CCDC102B: variants seen among roughly 807,000 people sequenced by gnomAD.
CCDC102B encodes the protein coiled-coil domain-containing protein 102B.
Under a neutral mutation model 57.4 loss-of-function variants are expected in CCDC102B, and 75 were observed. The observed-to-expected ratio is 1.31, with a 90% CI of 1.08 to 1.58. The LOEUF (loss-of-function observed/expected upper bound fraction) is 1.58, where lower values mean the gene tolerates loss of function less well. Ranked by LOEUF, CCDC102B falls within the 40% of genes most tolerant of loss-of-function variation. The pLI, the probability that CCDC102B is intolerant of heterozygous loss-of-function variation, is 0.00. For missense variants in CCDC102B, 636 were observed against 582.6 expected, an observed-to-expected ratio of 1.09 and a Z score of -0.94; for synonymous variants, 206 against 201.9, an observed-to-expected ratio of 1.02 and a Z score of -0.17.
chr18:68,810,693 T>TTTTTTG (rs2036224163), intron 1 of CCDC102B, among the ~76,000 whole-genome samples: 1 of 139,294 alleles, frequency 7.2e-6, no homozygotes, highest in Admixed American at 7.1e-5. Context: ...TTTTTTTTTT[T>TTTTTTG]TTTTTTTTTT....
At chr18:68,876,174 A>G (rs1330212423) in intron 5 of CCDC102B, among the ~76,000 whole-genome samples, 1 of 152,210 alleles carries the variant, frequency 6.6e-6, no homozygotes, top group Non-Finnish European at 1.5e-5. Flanking sequence ...GCAAAAAAGG[A>G]AGAAAGCACA....
intron 6 of CCDC102B, among the ~76,000 whole-genome samples, chr18:69,010,359 T>C (rs2116268): frequency 1.3e-5 from 2 of 152,072 alleles, no homozygotes; most frequent in African/African-American, 4.8e-5. Flanking sequence ...ATTTATATAG[T>C]GTATGGTGTT....
intron 5 of CCDC102B, among the ~76,000 whole-genome samples, chr18:68,880,660 TTGAG>T (rs1568308296): frequency 1.3e-5 from 2 of 152,120 alleles, no homozygotes; most frequent in African/African-American, 4.8e-5. Flanking sequence ...TTTTGTTGAA[TTGAG>T]TTACTTCTTT....
At chr18:68,973,614 T>G (rs553951696) in intron 6 of CCDC102B, among the ~76,000 whole-genome samples, 1 of 152,114 alleles carries the variant, frequency 6.6e-6, no homozygotes, top group African/African-American at 2.4e-5. Context: ...TAACAAGAGG[T>G]TGAATGCTAG....
intron 6 of CCDC102B, among the ~76,000 whole-genome samples, chr18:68,981,631 T>C (rs2050584903): frequency 6.6e-6 from 1 of 152,026 alleles, no homozygotes; most frequent in Admixed American, 6.6e-5. Context: ...CACAAAGCCC[T>C]TGGCCTCATG....
intron 4 of CCDC102B, among the ~76,000 whole-genome samples, chr18:68,856,472 A>C (rs903430249): frequency 6.6e-6 from 1 of 151,976 alleles, no homozygotes; most frequent in Non-Finnish European, 1.5e-5. Context: ...TAATTTTTAA[A>C]ATTTTTGGAA....
intron 4 of CCDC102B, among the ~76,000 whole-genome samples, chr18:68,861,069 A>T (rs2038728846): frequency 6.6e-6 from 1 of 150,758 alleles, no homozygotes; most frequent in South Asian, 2.1e-4. Flanking sequence ...GCATGTTAAC[A>T]GTTGTGGTAC....
intron 6 of CCDC102B, among the ~76,000 whole-genome samples, chr18:68,927,379 C>G (rs1189024059): frequency 6.6e-6 from 1 of 151,982 alleles, no homozygotes; most frequent in Non-Finnish European, 1.5e-5. Context: ...CAAGGGCAAT[C>G]TGGTAGATAG....
At chr18:68,886,648 C>T (rs1480472192) in intron 5 of CCDC102B, among the ~76,000 whole-genome samples, 1 of 151,996 alleles carries the variant, frequency 6.6e-6, no homozygotes, top group Non-Finnish European at 1.5e-5. Context: ...AATTTTTGTT[C>T]TAGAAAAGAT....
chr18:69,043,577 A>T (rs2052485965), intron 7 of CCDC102B, among the ~76,000 whole-genome samples: 1 of 152,104 alleles, frequency 6.6e-6, no homozygotes, highest in South Asian at 2.1e-4. Flanking sequence ...GATGACTCTT[A>T]AGGAGCATGC....
At chr18:68,735,296 C>T (rs770928247) in intron 2 of CCDC102B, among the ~76,000 whole-genome samples, 1 of 152,012 alleles carries the variant, frequency 6.6e-6, no homozygotes, top group Non-Finnish European at 1.5e-5. Flanking sequence ...TGACCTCAGG[C>T]GATCTGCCTG....
chr18:69,017,001 GTAAAC>G (rs979000522), intron 7 of CCDC102B, among the ~76,000 whole-genome samples: 5 of 152,076 alleles, frequency 3.3e-5, no homozygotes, highest in Non-Finnish European at 5.9e-5. Flanking sequence ...TGAAAGTAAA[GTAAAC>G]CTCAAAAGAT....
chr18:68,889,783 T>G (rs2144990788), intron 5 of CCDC102B, among the ~76,000 whole-genome samples: 1 of 152,316 alleles, frequency 6.6e-6, no homozygotes, highest in Middle Eastern at 3.4e-3. Flanking sequence ...TATGATGTTA[T>G]AGCAACCTGT....
intron 2 of CCDC102B, among the ~76,000 whole-genome samples, chr18:68,723,569 G>A (rs764613420): frequency 2.6e-5 from 4 of 152,138 alleles, no homozygotes; most frequent in East Asian, 1.9e-4. Flanking sequence ...AAGGGGATAC[G>A]GGCCCCATGC....
chr18:68,958,584 A>G (rs1246754335), intron 6 of CCDC102B, among the ~76,000 whole-genome samples: 2 of 152,200 alleles, frequency 1.3e-5, no homozygotes, highest in Non-Finnish European at 1.5e-5. Flanking sequence ...CTCTTTGAAT[A>G]AAACTACTAC....
At chr18:68,745,288 C>T (rs749105658) in intron 2 of CCDC102B, among the ~76,000 whole-genome samples, 14 of 151,850 alleles carry the variant, frequency 9.2e-5, no homozygotes, top group African/African-American at 1.9e-4. Flanking sequence ...GCCTGGCTCA[C>T]GTAGGGCAAG....
At chr18:68,873,740 A>G (rs9962399) in intron 4 of CCDC102B, among the ~76,000 whole-genome samples, 36 of 152,090 alleles carry the variant, frequency 2.4e-4, no homozygotes, top group African/African-American at 8.0e-4. Context: ...TTTTAAACAG[A>G]TAGTATAACA....
chr18:68,741,530 A>G (rs1164007837), intron 2 of CCDC102B, among the ~76,000 whole-genome samples: 2 of 152,146 alleles, frequency 1.3e-5, no homozygotes, highest in Non-Finnish European at 2.9e-5. Flanking sequence ...GTTGTGCTAC[A>G]AATAAGACTC....
chr18:68,767,564 C>A (rs1021710234), intron 2 of CCDC102B, among the ~76,000 whole-genome samples: 1 of 152,190 alleles, frequency 6.6e-6, no homozygotes, highest in Non-Finnish European at 1.5e-5. Flanking sequence ...GCTTGTAGAT[C>A]CACATTATAC....
Sources: allele counts gnomAD v4.1 joint callset (sites outside exome capture counted in the v4.1 genomes callset), GRCh38; gene constraint gnomAD v4.1.1; transcripts MANE v1.5; gene names NCBI Gene and HGNC (gene_info 2026-07-23, HGNC 2026-07-21).